The following TENT5D variants were observed in gnomAD, a reference collection of about 807,000 sequenced individuals.
The protein encoded by TENT5D is terminal nucleotidyltransferase 5D.
For synonymous variants in TENT5D, 103 were observed against 100.6 expected, an observed-to-expected ratio of 1.02 and a Z score of -0.15; for missense variants, 191 against 287.0, an observed-to-expected ratio of 0.67 and a Z score of 2.42.
At chrX:80,392,323 TAAAG>T (rs1342444594) in intron 3 of TENT5D, among the ~76,000 whole-genome samples, 4 of 109,425 alleles carry the variant, frequency 3.7e-5, no homozygotes, top group South Asian at 4.0e-4. Context: ...AATAATCTCT[TAAAG>T]AAACCTACAA....
intron 1 of TENT5D, among the ~76,000 whole-genome samples, chrX:80,430,528 T>G (rs1183986356): frequency 9.0e-6 from 1 of 111,653 alleles, no homozygotes; most frequent in East Asian, 2.8e-4. Context: ...TTACAATGCT[T>G]ATAAAGATCT....
intron 3 of TENT5D, among the ~76,000 whole-genome samples, chrX:80,394,214 A>G (rs994935114): frequency 4.6e-5 from 5 of 109,840 alleles, no homozygotes; most frequent in Non-Finnish European, 7.6e-5. Context: ...CCTCACCAAC[A>G]CTTGTTATCT....
At chrX:80,408,150 G>A (rs1191568921) in intron 3 of TENT5D, among the ~76,000 whole-genome samples, 3 of 108,606 alleles carry the variant, frequency 2.8e-5, no homozygotes, top group African/African-American at 1.0e-4. Context: ...GAGAAAGCAG[G>A]AAAGATCCAA....
chrX:80,431,822 T>A (rs1932094088), intron 1 of TENT5D, among the ~76,000 whole-genome samples: 1 of 111,446 alleles, frequency 9.0e-6, no homozygotes, highest in African/African-American at 3.3e-5. Flanking sequence ...CCATATCAAC[T>A]TTTTCATAGA....
intron 3 of TENT5D, among the ~76,000 whole-genome samples, chrX:80,397,795 G>A (rs1336877509): frequency 2.7e-5 from 3 of 112,200 alleles, no homozygotes; most frequent in Non-Finnish European, 5.6e-5. Flanking sequence ...CAGGCGTGGC[G>A]GCGCGCGCCT....
intron 3 of TENT5D, among the ~76,000 whole-genome samples, chrX:80,362,470 A>G (rs1314342528): frequency 8.9e-6 from 1 of 112,009 alleles, no homozygotes; most frequent in East Asian, 2.8e-4. Context: ...GCTGATTTTC[A>G]TTTTTTATGA....
At chrX:80,362,916 A>G (rs1930439130) in intron 3 of TENT5D, among the ~76,000 whole-genome samples, 1 of 112,333 alleles carries the variant, frequency 8.9e-6, no homozygotes, top group Non-Finnish European at 1.9e-5. Flanking sequence ...TAAGGTAAAT[A>G]TAAAAGGATA....
chrX:80,411,557 A>G (rs1931667437), intron 3 of TENT5D, among the ~76,000 whole-genome samples: 1 of 111,857 alleles, frequency 8.9e-6, no homozygotes, highest in Admixed American at 9.5e-5. Context: ...CTTACTTTAC[A>G]TTGTTCTTAT....
chrX:80,407,400 A>G (rs1233341548), intron 3 of TENT5D, among the ~76,000 whole-genome samples: 1 of 110,173 alleles, frequency 9.1e-6, no homozygotes, highest in Non-Finnish European at 1.9e-5. Context: ...AAAAGGATGG[A>G]GGAAGATCTA....
intron 3 of TENT5D, among the ~76,000 whole-genome samples, chrX:80,401,054 G>A (rs1931381727): frequency 9.0e-6 from 1 of 111,672 alleles, no homozygotes; most frequent in Non-Finnish European, 1.9e-5. Context: ...ACGAATGTAA[G>A]CTATCTTTCC....
intron 3 of TENT5D, among the ~76,000 whole-genome samples, chrX:80,352,073 G>T (rs753059828): frequency 8.9e-5 from 10 of 111,950 alleles, no homozygotes; most frequent in African/African-American, 2.6e-4. Context: ...CCTGTATGAG[G>T]TATCTATCAA....
chrX:80,381,160 A>T (rs1485869182), intron 3 of TENT5D, among the ~76,000 whole-genome samples: 3 of 111,827 alleles, frequency 2.7e-5, no homozygotes, highest in African/African-American at 9.8e-5. Context: ...CCTGGTGGTG[A>T]CAAATTCTCT....
intron 3 of TENT5D, among the ~76,000 whole-genome samples, chrX:80,347,094 T>A (rs1930079673): frequency 8.9e-6 from 1 of 111,946 alleles, no homozygotes; most frequent in African/African-American, 3.3e-5. Context: ...GCATTTGGGT[T>A]GGTTCCAAGT....
At chrX:80,380,153 G>A (rs2147531040) in intron 3 of TENT5D, among the ~76,000 whole-genome samples, 1 of 109,218 alleles carries the variant, frequency 9.2e-6, no homozygotes, top group Non-Finnish European at 1.9e-5. Context: ...ATTCTGGTAT[G>A]TTGTGCCTTT....
intron 2 of TENT5D, among the ~76,000 whole-genome samples, chrX:80,341,985 A>G (rs1371980068): frequency 1.8e-5 from 2 of 110,679 alleles, no homozygotes; most frequent in African/African-American, 6.6e-5. Flanking sequence ...TGCTGGGACT[A>G]CAGGCGTGAG....
chrX:80,367,144 A>G (rs1462989139), intron 3 of TENT5D, among the ~76,000 whole-genome samples: 2 of 111,574 alleles, frequency 1.8e-5, no homozygotes, highest in Non-Finnish European at 3.8e-5. Context: ...CCCCAATCCA[A>G]TAACACTTCA....
At chrX:80,393,665 C>T (rs1931182147) in intron 3 of TENT5D, among the ~76,000 whole-genome samples, 1 of 111,684 alleles carries the variant, frequency 9.0e-6, no homozygotes, top group Non-Finnish European at 1.9e-5. Flanking sequence ...ATTTATTCCT[C>T]TTATCTAACT....
intron 3 of TENT5D, among the ~76,000 whole-genome samples, chrX:80,373,935 C>A (rs1017181949): frequency 6.4e-4 from 71 of 111,190 alleles, no homozygotes; most frequent in African/African-American, 2.3e-3. Context: ...CTTTGTCACC[C>A]AGGTATTAAG....
chrX:80,395,724 A>G (rs1311781620), intron 3 of TENT5D, among the ~76,000 whole-genome samples: 3 of 109,902 alleles, frequency 2.7e-5, no homozygotes, highest in African/African-American at 9.9e-5. Flanking sequence ...TCCTTTTTCT[A>G]GCTATTTGAA....
Sources: gnomAD v4.1 joint callset for allele counts (sites outside exome capture counted in the v4.1 genomes callset) on GRCh38, gnomAD v4.1.1 for gene constraint, MANE v1.5 for transcripts, NCBI Gene and HGNC (gene_info 2026-07-23, HGNC 2026-07-21) for gene names.